Variants in ROBO2 observed in about 807,000 individuals in gnomAD.
ROBO2 encodes roundabout homolog 2.
ROBO2 carries 53 observed loss-of-function variants against 160.8 expected under a neutral mutation model. That is an observed-to-expected ratio of 0.33 (90% CI 0.26 to 0.41). The LOEUF (loss-of-function observed/expected upper bound fraction) is 0.41. Ranked by LOEUF, ROBO2 falls within the 10% of genes least tolerant of loss-of-function variation. The pLI is 1.00. For synonymous variants in ROBO2, 664 were observed against 611.7 expected (o/e 1.09, Z -1.26); for missense variants, 1,577 against 1,722.4 (o/e 0.92, Z 1.49).
chr3:77,408,510 G>A (rs35544060), intron 2 of ROBO2, among the ~76,000 whole-genome samples: 1 of 152,000 alleles, frequency 6.6e-6, no homozygotes, highest in African/African-American at 2.4e-5. Flanking sequence ...AAAGCAAATT[G>A]CAGGTAAGCA....
chr3:77,187,013 T>G (rs981896254), intron 2 of ROBO2, among the ~76,000 whole-genome samples: 1 of 151,980 alleles, frequency 6.6e-6, no homozygotes, highest in Non-Finnish European at 1.5e-5. Flanking sequence ...GTCACAAATG[T>G]AATCGCAGCT....
chr3:76,895,640 A>C (rs776825913), intron 2 of ROBO2, among the ~76,000 whole-genome samples: 15 of 152,174 alleles, frequency 9.9e-5, no homozygotes, highest in Non-Finnish European at 1.6e-4. Flanking sequence ...CTTTGGACTC[A>C]TAACTAGCAA....
In ROBO2 at chr3:77,570,179, G is replaced by A. The variant is rs78735564; in HGVS notation, c.1971+1745G>A. Among the ~76,000 whole-genome samples, 632 of 151,998 alleles carry A rather than the reference G, an allele frequency of 4.2e-3. 11 individuals are homozygous for A. In the East Asian group the frequency reaches 0.063, roughly 15 times the overall value. On this transcript the variant is annotated intron_variant, in intron 13 of 25. Coordinates refer to ENST00000461745, the Ensembl canonical transcript of ROBO2. ...TCTGTTCTGTTGCAAGTTATAAGGC[G>A]GATTCTTTTAAGCTGCATCTAAATG...
chr3:76,453,902 A>G (rs1052190935), intron 2 of ROBO2, among the ~76,000 whole-genome samples: 1 of 152,148 alleles, frequency 6.6e-6, no homozygotes, highest in Non-Finnish European at 1.5e-5. Context: ...TCTATTACAG[A>G]TAAAATAAGG....
intron 1 of ROBO2, among the ~76,000 whole-genome samples, chr3:77,054,842 A>G (rs531840709): frequency 3.3e-5 from 5 of 152,218 alleles, no homozygotes; most frequent in Admixed American, 2.0e-4. Flanking sequence ...TTCATAGCCA[A>G]CATTTGAAAG....
chr3:76,372,062 A>C (rs1214903436), intron 2 of ROBO2, among the ~76,000 whole-genome samples: 3 of 151,870 alleles, frequency 2.0e-5, no homozygotes, highest in African/African-American at 7.2e-5. Flanking sequence ...TGTTACTATT[A>C]GGTTTACGTG....
chr3:76,834,191 T>TC, intron 2 of ROBO2, among the ~76,000 whole-genome samples: 1 of 137,624 alleles, frequency 7.3e-6, no homozygotes. Context: ...CTCTCTCTCT[T>TC]TCTTTCTTTC....
chr3:76,537,044 A>G (rs1401797431), intron 2 of ROBO2, among the ~76,000 whole-genome samples: 2 of 151,980 alleles, frequency 1.3e-5, no homozygotes, highest in Admixed American at 1.3e-4. Context: ...GTGGAGGCTG[A>G]GGAAGAATTG....
intron 2 of ROBO2, among the ~76,000 whole-genome samples, chr3:76,345,375 G>A (rs1317828913): frequency 6.6e-6 from 1 of 150,944 alleles, no homozygotes. Context: ...TGAGATGTGT[G>A]AGAATGTGTA....
Position 77,057,172 on chromosome 3 carries a change from G to A in ROBO2, c.61+16326G>A, listed in dbSNP as rs546560731. On this transcript the variant is annotated intron_variant, in intron 1 of 25. Transcript: ENST00000461745. ...TCATGTCCTTTGTAGGGAAATGGATGAAGCTGGAAACCATTATTCTGAGCA... is the reference window on the plus strand; with the variant it reads ...TCATGTCCTTTGTAGGGAAATGGATAAAGCTGGAAACCATTATTCTGAGCA... Among the ~76,000 whole-genome samples, 65 of 152,234 alleles carry A rather than the reference G, an allele frequency of 4.3e-4. 1 individual carries two copies. In the South Asian group the frequency reaches 0.01, roughly 24 times the overall value.
chr3:76,441,612 A>G (rs2076929362), intron 2 of ROBO2, among the ~76,000 whole-genome samples: 1 of 152,172 alleles, frequency 6.6e-6, no homozygotes, highest in Non-Finnish European at 1.5e-5. Flanking sequence ...CAGTGTGTCC[A>G]TGTTCATTCC....
At position 76,322,190 on chromosome 3, in the gene ROBO2, AT is replaced by A. The variant is rs1559761429; in HGVS notation, c.109+384589del. The stretch of plus-strand genomic sequence containing the variant: ...TATATATATATATATATATATATAT[AT>A]ATATATATATATAATATACACACAC... On this transcript the variant is annotated intron_variant, in intron 2 of 26. Coordinates refer to the ROBO2 transcript ENST00000487694. Among the ~76,000 whole-genome samples, 306 of 97,418 alleles carry A rather than the reference AT, an allele frequency of 3.1e-3. 6 individuals are homozygous for A. Among genetic ancestry groups the A allele is most frequent in the African/African-American group, 9.2e-3 (298 of 32,380 alleles). 63.9% of individuals were successfully genotyped at this position (97,418 alleles called of 152,430 possible).
At chr3:76,509,647 C>G (rs2080977217) in intron 2 of ROBO2, among the ~76,000 whole-genome samples, 1 of 152,168 alleles carries the variant, frequency 6.6e-6, no homozygotes, top group South Asian at 2.1e-4. Context: ...ACAGTTGCTG[C>G]TGTCCAGCAA....
At chr3:76,268,134 G>C (rs1411643898) in intron 2 of ROBO2, among the ~76,000 whole-genome samples, 2 of 152,156 alleles carry the variant, frequency 1.3e-5, no homozygotes, top group Non-Finnish European at 2.9e-5. Context: ...TCCAAGGAAG[G>C]TGGTGTGTGC....
At chr3:76,474,441 C>T (rs2078824527) in intron 2 of ROBO2, among the ~76,000 whole-genome samples, 2 of 152,080 alleles carry the variant, frequency 1.3e-5, no homozygotes, top group Admixed American at 6.6e-5. Context: ...CAGCATAGAT[C>T]ATTTATTTCA....
At chr3:77,575,701 T>C (rs1244597366) in intron 14 of ROBO2, among the ~76,000 whole-genome samples, 1 of 152,178 alleles carries the variant, frequency 6.6e-6, no homozygotes, top group Non-Finnish European at 1.5e-5. Context: ...TAGTATCTTT[T>C]CTCCTTGCCA....
At chr3:77,310,258 T>A (rs2153421630) in intron 2 of ROBO2, among the ~76,000 whole-genome samples, 1 of 152,266 alleles carries the variant, frequency 6.6e-6, no homozygotes, top group East Asian at 1.9e-4. Context: ...TTAGTCCCTA[T>A]TTGTAGCCTG....
intron 2 of ROBO2, among the ~76,000 whole-genome samples, chr3:76,656,419 C>T (rs2091526467): frequency 6.6e-6 from 1 of 152,090 alleles, no homozygotes; most frequent in South Asian, 2.1e-4. Context: ...AAACACTACA[C>T]ATAGCACTAT....
chr3:76,461,624 G>A (rs1225766746), intron 2 of ROBO2, among the ~76,000 whole-genome samples: 4 of 152,126 alleles, frequency 2.6e-5, no homozygotes, highest in African/African-American at 9.7e-5. Flanking sequence ...TTCTAAAAGT[G>A]TTATTTAATT....
Sources: gnomAD v4.1 joint callset for allele counts (sites outside exome capture counted in the v4.1 genomes callset) on GRCh38, gnomAD v4.1.1 for gene constraint, MANE v1.5 for transcripts, NCBI Gene and HGNC (gene_info 2026-07-23, HGNC 2026-07-21) for gene names.